The following ABCB1 variants were observed in gnomAD, a reference collection of about 807,000 sequenced individuals.
ABCB1 encodes ATP-dependent translocase ABCB1.
Under a neutral mutation model 142.0 loss-of-function variants are expected in ABCB1, and 69 were observed. The observed-to-expected ratio is 0.49, with a 90% confidence interval of 0.40 to 0.59. The LOEUF (loss-of-function observed/expected upper bound fraction) is 0.59, where lower values mean the gene tolerates loss of function less well. ABCB1 is among the 20% of genes least tolerant of loss of function. The probability of loss-of-function intolerance (pLI) is 0.00; values close to 1 mark genes in which losing one functional copy is unlikely to be tolerated. For synonymous variants in ABCB1, 532 were observed against 539.2 expected (o/e 0.99, Z 0.18); for missense variants, 1,326 against 1,554.7 (o/e 0.85, Z 2.47).
chr7:87,709,241 T>C (rs1039440598), intron 1 of ABCB1: 59 of 984,486 alleles, frequency 6.0e-5, no homozygotes, highest in Non-Finnish European at 2.7e-5. Flanking sequence ...AGTAACAGCA[T>C]AGTCTCCTGT....
chr7:87,662,653 T>C (rs992998212), intron 1 of ABCB1, among the ~76,000 whole-genome samples: 1 of 152,166 alleles, frequency 6.6e-6, no homozygotes, highest in African/African-American at 2.4e-5. Flanking sequence ...TTGATTACAA[T>C]AGCCCTGTAG....
chr7:87,638,624 T>G (rs1162759223), intron 1 of ABCB1, among the ~76,000 whole-genome samples: 12 of 151,992 alleles, frequency 7.9e-5, no homozygotes, highest in African/African-American at 1.7e-4. Flanking sequence ...TTTTTTTTTT[T>G]GCTGAGACTT....
chr7:87,619,729 T>TAC (rs1183715792), intron 1 of ABCB1, among the ~76,000 whole-genome samples: 3 of 150,592 alleles, frequency 2.0e-5, no homozygotes, highest in Admixed American at 2.0e-4. Context: ...TTTTTATATA[T>TAC]ACACACACAC....
intron 21 of ABCB1, among the ~76,000 whole-genome samples, chr7:87,530,048 G>T (rs1239581116): frequency 6.6e-6 from 1 of 152,228 alleles, no homozygotes; most frequent in Non-Finnish European, 1.5e-5. Flanking sequence ...ATGGGATAAA[G>T]AGTCTGAAGA....
intron 1 of ABCB1, among the ~76,000 whole-genome samples, chr7:87,648,062 G>A (rs1247108851): frequency 6.6e-6 from 1 of 151,832 alleles, no homozygotes; most frequent in Non-Finnish European, 1.5e-5. Context: ...GTGGGCGCCT[G>A]TAGTCCCAGC....
Position 87,568,953 on chromosome 7 carries a change from T to A in ABCB1, c.338+1219A>T, listed in dbSNP as rs187261555. 3.3e-5 allele frequency among the ~76,000 whole-genome samples: 5 copies of A among 152,328 alleles called. No homozygotes were observed. The East Asian group carries it at 7.7e-4, about 23-fold the overall frequency. On this transcript the variant is annotated intron_variant, in intron 5 of 27. Transcript: ENST00000622132. ...ACATGATGATTAAAAGACATTCTGT[T>A]TCATTTTCCCCAATGTAAAAAACAA...
intron 20 of ABCB1, 89 bp downstream of exon 20, chr7:87,536,369 T>A: frequency 8.7e-7 from 1 of 1,152,314 alleles, no homozygotes; most frequent in Non-Finnish European, 1.3e-6. Context: ...TTAATGATGA[T>A]AACTAACACC....
At chr7:87,506,107 T>C in intron 26 of ABCB1, 64 bp from the exon 27 acceptor site, 1 of 1,550,146 alleles carries the variant, frequency 6.5e-7, no homozygotes, top group Non-Finnish European at 8.9e-7. Flanking sequence ...AGCTTGCTTA[T>C]AGAAAGTAGG....
intron 17 of ABCB1, among the ~76,000 whole-genome samples, chr7:87,541,755 T>A (rs970678021): frequency 6.6e-6 from 1 of 152,220 alleles, no homozygotes; most frequent in Non-Finnish European, 1.5e-5. Context: ...GAACAAATAC[T>A]CTCCTCTTCC....
intron 1 of ABCB1, among the ~76,000 whole-genome samples, chr7:87,625,188 C>T (rs1352216874): frequency 1.3e-5 from 2 of 151,754 alleles, no homozygotes; most frequent in Admixed American, 6.6e-5. Context: ...ACCCGGGTGG[C>T]GGAACTTGCA....
chr7:87,558,409 T>C (rs1817400236), intron 8 of ABCB1, among the ~76,000 whole-genome samples: 1 of 152,192 alleles, frequency 6.6e-6, no homozygotes, highest in Non-Finnish European at 1.5e-5. Flanking sequence ...TCTTATTGTA[T>C]TTTGTTAGCT....
At chr7:87,708,808 G>A (rs997069009) in intron 1 of ABCB1, among the ~76,000 whole-genome samples, 1 of 152,048 alleles carries the variant, frequency 6.6e-6, no homozygotes, top group African/African-American at 2.4e-5. Flanking sequence ...AGTAGGGATA[G>A]TATTGTAACC....
At chr7:87,565,103 G>A (rs1435016013) in intron 7 of ABCB1, among the ~76,000 whole-genome samples, 2 of 152,108 alleles carry the variant, frequency 1.3e-5, no homozygotes, top group Admixed American at 6.5e-5. Context: ...GATAACACAG[G>A]CATTTGCGTG....
chr7:87,702,107 C>A (rs562070576), intron 1 of ABCB1, among the ~76,000 whole-genome samples: 1 of 121,942 alleles, frequency 8.2e-6, no homozygotes, highest in Non-Finnish European at 1.6e-5. Context: ...CGCGCCACTG[C>A]ACTCCAGCCT....
At chr7:87,669,015 G>A (rs1304076686) in intron 1 of ABCB1, among the ~76,000 whole-genome samples, 1 of 151,954 alleles carries the variant, frequency 6.6e-6, no homozygotes, top group Admixed American at 6.6e-5. Context: ...GTTGAGTGTA[G>A]ATCCTGAATA....
chr7:87,664,870 A>G (rs1051253224), intron 1 of ABCB1, among the ~76,000 whole-genome samples: 3 of 152,170 alleles, frequency 2.0e-5, no homozygotes, highest in Non-Finnish European at 4.4e-5. Flanking sequence ...TAGATTCAAG[A>G]AGCTTAGCAA....
intron 1 of ABCB1, among the ~76,000 whole-genome samples, chr7:87,689,539 A>G (rs1827817948): frequency 6.6e-6 from 1 of 152,164 alleles, no homozygotes; most frequent in South Asian, 2.1e-4. Context: ...TAATATTGCT[A>G]AATTACTAAT....
At chr7:87,692,640 A>C (rs761297406) in intron 1 of ABCB1, among the ~76,000 whole-genome samples, 2 of 152,166 alleles carry the variant, frequency 1.3e-5, no homozygotes, top group Admixed American at 6.5e-5. Flanking sequence ...TTTTACTTTG[A>C]TAAGTTTTTA....
In ABCB1 at chr7:87,572,908, G is replaced by A. The variant is rs187475803; in HGVS notation, c.287-2685C>T. 3.3e-5 allele frequency among the ~76,000 whole-genome samples: 4 copies of A among 122,158 alleles called. No individual in the cohort carries two copies. In the South Asian group the frequency reaches 9.6e-4, roughly 29 times the overall value. The allele number at this position is 122,158 out of a possible 152,430, so 80.1% of individuals were successfully genotyped here. A position where few individuals can be genotyped will look rare whatever the true frequency, so the allele number is the denominator to read the frequency against. On this transcript the variant is annotated intron_variant, in intron 4 of 27. Coordinates refer to ENST00000622132, the MANE Select transcript of ABCB1 (RefSeq NM_001348946.2). ...TGGAGACTTTTGGAGTGTGGAGGGT[G>A]GGGGGAGGGAGAGAATCAGGAAAAA...
Sources: gnomAD v4.1 joint callset for allele counts (sites outside exome capture counted in the v4.1 genomes callset) on GRCh38, gnomAD v4.1.1 for gene constraint, MANE v1.5 for transcripts, NCBI Gene and HGNC (gene_info 2026-07-23, HGNC 2026-07-21) for gene names.